The following GABRA2 variants were observed in gnomAD, a reference collection of about 807,000 sequenced individuals.
GABRA2 encodes the protein gamma-aminobutyric acid receptor subunit alpha-2.
A neutral mutation model predicts 48.7 loss-of-function variants in GABRA2; 16 were observed. The ratio of observed to expected loss-of-function variants is 0.33; its 90% CI spans 0.22 to 0.50. GABRA2 has a LOEUF of 0.50. Among genes scored for constraint, GABRA2 ranks in the 20% least tolerant of loss-of-function variants. The pLI, the probability that GABRA2 is intolerant of heterozygous loss-of-function variation, is 0.98. For missense variants in GABRA2, 275 were observed against 535.6 expected, an observed-to-expected ratio of 0.51 and a Z score of 4.80; for synonymous variants, 185 against 184.5, an observed-to-expected ratio of 1.00 and a Z score of -0.02.
chr4:46,338,877 G>A (rs1462180561), intron 3 of GABRA2, among the ~76,000 whole-genome samples: 4 of 151,876 alleles, frequency 2.6e-5, no homozygotes, highest in African/African-American at 9.7e-5. Context: ...AAGTAGAAAG[G>A]TTGGACCAGT....
chr4:46,295,423 A>T (rs1464165458), intron 8 of GABRA2, among the ~76,000 whole-genome samples: 2 of 152,234 alleles, frequency 1.3e-5, no homozygotes, highest in Non-Finnish European at 2.9e-5. Flanking sequence ...AACTGTGAAG[A>T]TATTTTTATC....
intron 3 of GABRA2, among the ~76,000 whole-genome samples, chr4:46,382,372 G>A (rs1179459564): frequency 6.6e-6 from 1 of 151,854 alleles, no homozygotes; most frequent in Non-Finnish European, 1.5e-5. Context: ...CAGGGAAAAG[G>A]CTCCACAGAG....
intron 3 of GABRA2, among the ~76,000 whole-genome samples, chr4:46,336,370 G>A (rs1732238071): frequency 6.6e-6 from 1 of 152,118 alleles, no homozygotes; most frequent in African/African-American, 2.4e-5. Context: ...GCTGAGCAAA[G>A]GGAAAGAATG....
At chr4:46,345,041 G>T (rs1733910226) in intron 3 of GABRA2, among the ~76,000 whole-genome samples, 1 of 151,758 alleles carries the variant, frequency 6.6e-6, no homozygotes, top group Non-Finnish European at 1.5e-5. Flanking sequence ...GGTGATTTTA[G>T]CATAGGAGCA....
rs147146004 is a variant in GABRA2, at chr4:46,297,055, T to C, written c.856+6405A>G. 6.7e-3 allele frequency among the ~76,000 whole-genome samples: 1,019 copies of C among 152,186 alleles called. 15 individuals carry two copies. Among genetic ancestry groups the C allele is most frequent in the African/African-American group, 0.023 (964 of 41,512 alleles). On this transcript the variant is annotated intron_variant, in intron 8 of 9. Coordinates refer to ENST00000381620, the MANE Select transcript of GABRA2 (RefSeq NM_000807.4). ...AGACTATGTATGATCTCAGGAGATG[T>C]GTATTGCATCAAGTTGACAAACGGT...
chr4:46,268,003 A>G (rs989489261), intron 8 of GABRA2, among the ~76,000 whole-genome samples: 1 of 152,006 alleles, frequency 6.6e-6, no homozygotes, highest in Non-Finnish European at 1.5e-5. Context: ...TGTCCCAAGC[A>G]TTTTGGATAA....
chr4:46,305,712 C>T lies in GABRA2; in HGVS notation c.560-1G>A. ...GTGACCTCTGAAGTTGTATATGCAT[C>T]TATAGGAAATCAGAAAAAATATTTT... On this transcript the variant is annotated splice_acceptor_variant, in intron 6 of 9. Coordinates refer to ENST00000381620, the MANE Select transcript of GABRA2 (RefSeq NM_000807.4). LOFTEE classifies it high-confidence loss of function. The T allele has an allele frequency of 6.2e-7, 1 of 1,601,258 alleles. No individual in the cohort carries two copies. The highest frequency in any genetic ancestry group is 8.5e-7 in the Non-Finnish European group (1 of 1,172,056).
intron 3 of GABRA2, among the ~76,000 whole-genome samples, chr4:46,343,512 G>T (rs1026735954): frequency 2.6e-5 from 4 of 151,848 alleles, no homozygotes; most frequent in African/African-American, 9.7e-5. Context: ...GGAAACTGCA[G>T]ATTCAAAGAT....
At chr4:46,355,680 C>G (rs1421721173) in intron 3 of GABRA2, among the ~76,000 whole-genome samples, 1 of 152,114 alleles carries the variant, frequency 6.6e-6, no homozygotes, top group Non-Finnish European at 1.5e-5. Context: ...CACAGGAACC[C>G]CCAAATAATC....
chr4:46,291,634 A>G (rs1723642603), intron 8 of GABRA2, among the ~76,000 whole-genome samples: 1 of 151,994 alleles, frequency 6.6e-6, no homozygotes, highest in South Asian at 2.1e-4. Flanking sequence ...CAGGCTGAAC[A>G]CTGTCTGCCC....
chr4:46,283,592 T>C (rs981087895), intron 8 of GABRA2, among the ~76,000 whole-genome samples: 1 of 151,772 alleles, frequency 6.6e-6, no homozygotes, highest in Non-Finnish European at 1.5e-5. Flanking sequence ...AATCCAAACA[T>C]AGCCCTTTTG....
chr4:46,313,917 G>T (rs1378862272), intron 4 of GABRA2, among the ~76,000 whole-genome samples: 1 of 152,100 alleles, frequency 6.6e-6, no homozygotes, highest in African/African-American at 2.4e-5. Context: ...AAAATCATTT[G>T]TACAAATCGG....
rs2109360545 is a variant in GABRA2, at chr4:46,247,016, C to T, written c.*3292G>A. ...GCCACATAAATGCAAATTATACTTA[C>T]CAAATAATGAGAGTAAAATAATAGA... On this transcript the variant is annotated 3_prime_UTR_variant, in exon 10 of 10. Transcript: ENST00000381620. 6.6e-6 allele frequency among the ~76,000 whole-genome samples: 1 copy of T among 150,842 alleles called. No homozygotes were observed. Among genetic ancestry groups the T allele is most frequent in the East Asian group, 2.0e-4 (1 of 5,066 alleles).
chr4:46,274,538 G>A (rs781332044), intron 8 of GABRA2, among the ~76,000 whole-genome samples: 1 of 152,088 alleles, frequency 6.6e-6, no homozygotes, highest in South Asian at 2.1e-4. Context: ...GCAGGCAAGA[G>A]TTTGAATTCT....
chr4:46,291,960 A>G (rs1723747822), intron 8 of GABRA2, among the ~76,000 whole-genome samples: 1 of 152,050 alleles, frequency 6.6e-6, no homozygotes, highest in South Asian at 2.1e-4. Flanking sequence ...TGTTTAATAT[A>G]ATTAGACCTC....
intron 3 of GABRA2, among the ~76,000 whole-genome samples, chr4:46,347,444 C>T (rs1734330916): frequency 6.6e-6 from 1 of 151,824 alleles, no homozygotes; most frequent in Non-Finnish European, 1.5e-5. Flanking sequence ...ACCCACATAT[C>T]CAAGGTCAAT....
chr4:46,327,309 A>G (rs1050320281), intron 4 of GABRA2, among the ~76,000 whole-genome samples: 1 of 151,998 alleles, frequency 6.6e-6, no homozygotes, highest in East Asian at 1.9e-4. Flanking sequence ...AACTATTTTA[A>G]AAAATAATTC....
At chr4:46,305,384 G>T (rs1018378899) in intron 7 of GABRA2, among the ~76,000 whole-genome samples, 184 bp downstream of exon 7, 1 of 149,688 alleles carries the variant, frequency 6.7e-6, no homozygotes, top group Non-Finnish European at 1.5e-5. Flanking sequence ...TGCGCATTGT[G>T]CACATGTACC....
chr4:46,364,831 C>T (rs1339776519), intron 3 of GABRA2: 1 of 152,108 alleles, frequency 6.6e-6, no homozygotes, highest in Non-Finnish European at 1.5e-5. Context: ...TGCCATATAA[C>T]AAAAACTAAT....
Sources: gnomAD v4.1 joint callset for allele counts (sites outside exome capture counted in the v4.1 genomes callset) on GRCh38, gnomAD v4.1.1 for gene constraint, MANE v1.5 for transcripts, NCBI Gene and HGNC (gene_info 2026-07-23, HGNC 2026-07-21) for gene names.